The following POSTN variants were observed in gnomAD, a reference collection of about 807,000 sequenced individuals.
POSTN encodes the protein periostin.
A neutral mutation model predicts 104.5 loss-of-function variants in POSTN; 71 were observed. The ratio of observed to expected loss-of-function variants is 0.68; its 90% CI spans 0.56 to 0.83. POSTN has a LOEUF of 0.83. POSTN is among the 40% of genes least tolerant of loss of function. The pLI is 0.00. For synonymous variants in POSTN, 355 were observed against 340.7 expected (o/e 1.04, Z -0.46); for missense variants, 949 against 1,006.8 (o/e 0.94, Z 0.78).
chr13:37,585,598 T>C (rs1950721216), intron 7 of POSTN, among the ~76,000 whole-genome samples: 1 of 152,178 alleles, frequency 6.6e-6, no homozygotes, highest in Non-Finnish European at 1.5e-5. Context: ...AACTACATTA[T>C]ATCTATCCTG....
chr13:37,572,427 A>G (rs1018764375), intron 17 of POSTN, among the ~76,000 whole-genome samples: 12 of 151,662 alleles, frequency 7.9e-5, no homozygotes, highest in Admixed American at 4.6e-4. Flanking sequence ...ATATAAGGCC[A>G]AGGGATATTG....
chr13:37,574,126 C>G (rs1167356378), intron 17 of POSTN, among the ~76,000 whole-genome samples: 1 of 150,436 alleles, frequency 6.6e-6, no homozygotes, highest in African/African-American at 2.4e-5. Flanking sequence ...AACATAGCTT[C>G]TATGCTATCT....
At chr13:37,566,619 C>G (rs944501114) in intron 21 of POSTN, among the ~76,000 whole-genome samples, 3 of 152,172 alleles carry the variant, frequency 2.0e-5, no homozygotes, top group Non-Finnish European at 4.4e-5. Flanking sequence ...AGACCTACAA[C>G]TCGATCTACT....
chr13:37,574,309 T>C (rs1179058146), intron 17 of POSTN, among the ~76,000 whole-genome samples: 2 of 151,812 alleles, frequency 1.3e-5, no homozygotes, highest in Non-Finnish European at 3.0e-5. Flanking sequence ...AGTATCTGTA[T>C]ACTAAGTTAA....
At chr13:37,568,589 A>C (rs1254087811) in intron 21 of POSTN, 1 of 151,906 alleles carries the variant, frequency 6.6e-6, no homozygotes, top group Non-Finnish European at 1.5e-5. Context: ...TGAAGTAGAA[A>C]TTTGTTTATT....
In POSTN at chr13:37,563,343, C is replaced by T. The variant is rs200287900; in HGVS notation, c.2501G>A (p.Arg834His). 3.8e-5 allele frequency: 61 copies of T among 1,586,602 alleles called. No individual in the cohort carries two copies. In the East Asian group the frequency reaches 4.5e-4, roughly 12 times the overall value. ...QGSRRRLREG[R>H]SQ ...CTGGTTTTTGGATTTTCACTGAGAACGACCTTCCCTTAATCGTCTTCTAGA... is the reference window on the plus strand; with the variant it reads ...CTGGTTTTTGGATTTTCACTGAGAATGACCTTCCCTTAATCGTCTTCTAGA... The change falls in exon 23 of 23, where the codon CGT becomes CAT. Residue 834 changes from arginine (R) to histidine (H), a missense_variant. Physicochemically the swap from Arg to His is conservative, Grantham distance 29. Coordinates refer to ENST00000379747, the MANE Select transcript of POSTN (RefSeq NM_006475.3).
At chr13:37,578,235 T>C (rs182256639) in intron 15 of POSTN, among the ~76,000 whole-genome samples, 1 of 152,320 alleles carries the variant, frequency 6.6e-6, no homozygotes, top group East Asian at 1.9e-4. Flanking sequence ...TTTTCTAAAT[T>C]GGACTGTAAA....
At chr13:37,567,661 G>A (rs1439184947) in intron 21 of POSTN, among the ~76,000 whole-genome samples, 1 of 152,020 alleles carries the variant, frequency 6.6e-6, no homozygotes, top group Non-Finnish European at 1.5e-5. Flanking sequence ...GAAAACCGAT[G>A]CCTTACAGAT....
chr13:37,585,326 G>A (rs1028481248), intron 7 of POSTN, among the ~76,000 whole-genome samples: 2 of 151,944 alleles, frequency 1.3e-5, no homozygotes, highest in African/African-American at 4.8e-5. Flanking sequence ...AGGATTGTTT[G>A]AGGCCGGGAG....
At chr13:37,571,036 T>C (rs1950248170) in intron 18 of POSTN, 1 of 290,142 alleles carries the variant, frequency 3.4e-6, no homozygotes, top group African/African-American at 2.2e-5. Flanking sequence ...TATACAATGG[T>C]CATTTTTTCC....
chr13:37,580,756 G>C, intron 10 of POSTN, 59 bp from the exon 11 acceptor site: 1 of 1,603,840 alleles, frequency 6.2e-7, no homozygotes, highest in South Asian at 1.1e-5. Context: ...TTCCCGTATA[G>C]ATGTAACTAC....
intron 19 of POSTN, 85 bp downstream of exon 19, chr13:37,570,495 C>T (rs1291679063): frequency 1.1e-6 from 1 of 908,370 alleles, no homozygotes; most frequent in Non-Finnish European, 1.7e-6. Flanking sequence ...TGACTTGTTT[C>T]TTTAATGATT....
chr13:37,598,103 C>A (rs1951136217), intron 1 of POSTN, among the ~76,000 whole-genome samples: 3 of 152,124 alleles, frequency 2.0e-5, no homozygotes, highest in Admixed American at 2.0e-4. Context: ...TTACAGAATT[C>A]AGAGTTTAAA....
At position 37,586,367 on chromosome 13, in the gene POSTN, G is replaced by A. The variant is rs2138325075; in HGVS notation, c.754-87C>T. ...ACACTTAGCCTAGGCTGACATGAAG[G>A]AGCTGATTCCTACACTATAGAGGTT... On this transcript the variant is annotated intron_variant, in intron 6 of 22. Transcript: ENST00000379747. 4 of 1,366,254 alleles carry A rather than the reference G, an allele frequency of 2.9e-6. No individual in the cohort carries two copies. The East Asian group carries it at 9.3e-5, about 32-fold the overall frequency. The allele number at this position is 1,366,254 out of a possible 1,614,324, so 84.6% of individuals were successfully genotyped here.
chr13:37,577,568 G>A (rs1056288124), intron 16 of POSTN, among the ~76,000 whole-genome samples, 185 bp downstream of exon 16: 2 of 152,148 alleles, frequency 1.3e-5, no homozygotes, highest in Non-Finnish European at 2.9e-5. Flanking sequence ...AATGAGTGGG[G>A]AAGAAGTTCA....
chr13:37,591,010 G>A (rs1050466846), intron 3 of POSTN, among the ~76,000 whole-genome samples: 3 of 152,094 alleles, frequency 2.0e-5, no homozygotes, highest in African/African-American at 7.2e-5. Flanking sequence ...TCAGCCTGAA[G>A]GGATTTATCT....
In POSTN at chr13:37,598,659, T is replaced by C. The variant is rs778889654; in HGVS notation, c.68A>G (p.Asn23Ser). The C allele has an allele frequency of 1.2e-6, 2 of 1,613,550 alleles. No homozygotes were observed. Among genetic ancestry groups the C allele is most frequent in the South Asian group, 2.2e-5 (2 of 91,050 alleles). The change falls in exon 1 of 23, where the codon AAT (asparagine) becomes AGT (serine). Residue 23 changes from asparagine to serine, a missense_variant. By Grantham distance (46) the Asn-to-Ser change is conservative. Transcript: ENST00000379747. ...LLIVNPINAN[N>S]HYDKILAHSR... is the part of the protein sequence containing the mutation. ...ATGAGCCAAGATCTTGTCATAATGA[T>C]TGTTGGCGTTTATAGGGTTAACAAT... is the stretch of plus-strand genomic sequence containing the variant.
In POSTN at chr13:37,570,568, A is replaced by G. The variant is rs1403107086; in HGVS notation, c.2269+12T>C. 2 of 1,543,660 alleles carry G rather than the reference A, an allele frequency of 1.3e-6. No individual in the cohort carries two copies. Among genetic ancestry groups the G allele is most frequent in the Non-Finnish European group, 9.0e-7 (1 of 1,116,860 alleles). ...ATCTAGGCATAGATCCATGTATGGA[A>G]TTAATGGCTACCTGTAATGATTCGT... On this transcript the variant is annotated intron_variant, in intron 19 of 22. Coordinates refer to ENST00000379747, the MANE Select transcript of POSTN (RefSeq NM_006475.3).
At position 37,584,098 on chromosome 13, in the gene POSTN, G is replaced by A; in HGVS notation, c.1114C>T (p.Gln372Ter). Reference sequence around the variant, plus strand: ...TGTTTTCCAGCCAGCTCAATAACTTGTTTGGCTGAAAAATAAACCATCACC... The same window carrying A: ...TGTTTTCCAGCCAGCTCAATAACTTATTTGGCTGAAAAATAAACCATCACC... ...DQVLIPDSAK[Q>*]VIELAGKQQT... Residue 372 changes from glutamine to a stop codon, truncating the protein, a stop_gained, in exon 9 of 23, where the codon CAA becomes TAA. Coordinates refer to ENST00000379747, the MANE Select transcript of POSTN (RefSeq NM_006475.3). LOFTEE classifies it high-confidence loss of function. The A allele has an allele frequency of 6.2e-7, 1 of 1,613,540 alleles. No homozygotes were observed. Among genetic ancestry groups the A allele is most frequent in the Non-Finnish European group, 8.5e-7 (1 of 1,179,792 alleles).
Sources: allele counts gnomAD v4.1 joint callset (sites outside exome capture counted in the v4.1 genomes callset), GRCh38; gene constraint gnomAD v4.1.1; transcripts MANE v1.5; gene names NCBI Gene and HGNC (gene_info 2026-07-23, HGNC 2026-07-21).